ZNF608: variants seen among roughly 807,000 people sequenced by gnomAD.
The protein encoded by ZNF608 is renal carcinoma antigen NY-REN-36.
In ZNF608, 12 loss-of-function variants were observed where a neutral mutation model predicts 109.0. That is an observed-to-expected ratio of 0.11 (90% CI 0.07 to 0.18). The LOEUF (loss-of-function observed/expected upper bound fraction) is 0.18. Among genes scored for constraint, ZNF608 ranks in the 10% least tolerant of loss-of-function variants. ZNF608 has a pLI of 1.00. For synonymous variants in ZNF608, 732 were observed against 717.4 expected, an observed-to-expected ratio of 1.02 and a Z score of -0.33; for missense variants, 1,707 against 1,879.3, an observed-to-expected ratio of 0.91 and a Z score of 1.70.
chr5:124,640,312 G>A (rs953544873), intron 8 of ZNF608, among the ~76,000 whole-genome samples: 1 of 152,188 alleles, frequency 6.6e-6, no homozygotes, highest in African/African-American at 2.4e-5. Context: ...TTATAAGGAG[G>A]TAATTAAGGT....
At chr5:124,696,998 G>A (rs1403668399) in intron 3 of ZNF608, among the ~76,000 whole-genome samples, 2 of 151,908 alleles carry the variant, frequency 1.3e-5, no homozygotes, top group Admixed American at 1.3e-4. Flanking sequence ...TGGTGCCTGG[G>A]CATTAGTGGG....
chr5:124,637,933 C>A (rs748930681), intron 9 of ZNF608, 27 bp from the exon 10 acceptor site: 1 of 1,611,084 alleles, frequency 6.2e-7, no homozygotes, highest in Non-Finnish European at 8.5e-7. Context: ...AACCTTAGCA[C>A]ACGGTTCTAT....
At chr5:124,652,398 T>G (rs1276282993) in intron 3 of ZNF608, among the ~76,000 whole-genome samples, 1 of 152,206 alleles carries the variant, frequency 6.6e-6, no homozygotes, top group African/African-American at 2.4e-5. Flanking sequence ...ACAAATGCTT[T>G]ACACCCAAGG....
intron 3 of ZNF608, among the ~76,000 whole-genome samples, chr5:124,650,426 A>T (rs528381944): frequency 2.0e-5 from 3 of 152,220 alleles, no homozygotes; most frequent in Non-Finnish European, 4.4e-5. Flanking sequence ...CTTTGGAGTC[A>T]ACTTTGGTAC....
At chr5:124,720,465 C>T (rs1334902584) in intron 2 of ZNF608, among the ~76,000 whole-genome samples, 1 of 152,122 alleles carries the variant, frequency 6.6e-6, no homozygotes, top group Non-Finnish European at 1.5e-5. Flanking sequence ...AAAACCACAA[C>T]CATGCTATAG....
At chr5:124,656,799 A>ACACAC (rs1751029094) in intron 3 of ZNF608, among the ~76,000 whole-genome samples, 1 of 123,920 alleles carries the variant, frequency 8.1e-6, no homozygotes, top group Non-Finnish European at 1.7e-5. Context: ...ATAAGCCCTA[A>ACACAC]ACACACACAC....
intron 3 of ZNF608, among the ~76,000 whole-genome samples, chr5:124,657,601 G>A (rs1751070930): frequency 6.6e-6 from 1 of 152,134 alleles, no homozygotes; most frequent in African/African-American, 2.4e-5. Flanking sequence ...CGTGAACCCG[G>A]GAGGCAGAGC....
chr5:124,741,626 G>T (rs1024278265), intron 2 of ZNF608, among the ~76,000 whole-genome samples: 4 of 152,066 alleles, frequency 2.6e-5, no homozygotes, highest in Non-Finnish European at 4.4e-5. Flanking sequence ...GAAGCTTCTG[G>T]TCCTACTAAA....
At chr5:124,685,840 A>T (rs912895519) in intron 3 of ZNF608, among the ~76,000 whole-genome samples, 10 of 152,152 alleles carry the variant, frequency 6.6e-5, no homozygotes, top group Admixed American at 5.2e-4. Context: ...CTCTGCCTTG[A>T]TTTCTATGCA....
Position 124,745,028 on chromosome 5 carries a change from T to C in ZNF608, c.-39A>G. ...TCTCTAGAATAAAAATCCGATGAAC[T>C]TTTCTTTGGAGATGAGGGGACATTC... On this transcript the variant is annotated 5_prime_UTR_variant, in exon 2 of 10. Transcript: ENST00000513986. The C allele has an allele frequency of 6.5e-7, 1 of 1,549,746 alleles. No homozygotes were observed. Among genetic ancestry groups the C allele is most frequent in the African/African-American group, 1.4e-5 (1 of 72,874 alleles).
intron 2 of ZNF608, among the ~76,000 whole-genome samples, chr5:124,719,910 T>C (rs956641320): frequency 6.6e-6 from 1 of 152,202 alleles, no homozygotes; most frequent in Admixed American, 6.5e-5. Context: ...AAACATTTGC[T>C]AGACTAAAAG....
chr5:124,716,810 T>C, intron 2 of ZNF608, among the ~76,000 whole-genome samples: 1 of 152,146 alleles, frequency 6.6e-6, no homozygotes, highest in Non-Finnish European at 1.5e-5. Context: ...TGGCCGGGCA[T>C]GGTGGCTCAC....
rs574503239 is a variant in ZNF608 at position 124,746,096 on chromosome 5, T to C, written c.-184+99A>G. The C allele has an allele frequency of 6.7e-5, 66 of 983,522 alleles. No individual in the cohort carries two copies. In the South Asian group the frequency reaches 2.8e-3, roughly 42 times the overall value. The allele number at this position is 983,522 out of a possible 1,614,324, so 60.9% of individuals were successfully genotyped here. A position where few individuals can be genotyped will look rare whatever the true frequency, so the allele number is the denominator to read the frequency against. ...GTTTGACAAAGAGCAGTTAAAACGGTTTTTAAAGGGATCAGCCCCTTTTTA... is the reference window on the plus strand; with the variant it reads ...GTTTGACAAAGAGCAGTTAAAACGGCTTTTAAAGGGATCAGCCCCTTTTTA... On this transcript the variant is annotated intron_variant, in intron 1 of 9. Transcript: ENST00000513986.
chr5:124,664,880 A>G (rs1466000302), intron 3 of ZNF608, among the ~76,000 whole-genome samples: 1 of 152,148 alleles, frequency 6.6e-6, no homozygotes, highest in Non-Finnish European at 1.5e-5. Context: ...ATCTCTTCTC[A>G]ATACCATGTT....
At chr5:124,720,403 C>G (rs1753856933) in intron 2 of ZNF608, among the ~76,000 whole-genome samples, 1 of 152,082 alleles carries the variant, frequency 6.6e-6, no homozygotes, top group Admixed American at 6.6e-5. Context: ...TACCACTTTT[C>G]TGGCAAAAAT....
At chr5:124,725,458 A>T (rs116781684) in intron 2 of ZNF608, among the ~76,000 whole-genome samples, 2 of 152,066 alleles carry the variant, frequency 1.3e-5, no homozygotes, top group Non-Finnish European at 2.9e-5. Flanking sequence ...AAAGTAAGGA[A>T]TGAATAAAGG....
intron 3 of ZNF608, among the ~76,000 whole-genome samples, chr5:124,656,395 G>C (rs1448883097): frequency 6.6e-6 from 1 of 152,164 alleles, no homozygotes; most frequent in African/African-American, 2.4e-5. Context: ...GCTGGAATAT[G>C]TTGGCATCAC....
chr5:124,639,078 C>G (rs1043763479), intron 9 of ZNF608, 55 bp downstream of exon 9: 1 of 1,549,532 alleles, frequency 6.5e-7, no homozygotes, highest in Non-Finnish European at 8.9e-7. Flanking sequence ...TTGCTTCCTC[C>G]CAACCATTAA....
rs538184731 is a variant in ZNF608, at chr5:124,730,421, C to T, written c.906+13663G>A. 8.5e-5 allele frequency among the ~76,000 whole-genome samples: 13 copies of T among 152,316 alleles called. No homozygotes were observed. In the South Asian group the frequency reaches 2.1e-3, roughly 24 times the overall value. ...CACCAGTATATAGCTATAGATATTA[C>T]AAAATTTCTATCAGTCTAAAACTAG... On this transcript the variant is annotated intron_variant, in intron 2 of 9. Transcript: ENST00000513986.
Sources: gnomAD v4.1 joint callset for allele counts (sites outside exome capture counted in the v4.1 genomes callset) on GRCh38, gnomAD v4.1.1 for gene constraint, MANE v1.5 for transcripts, NCBI Gene and HGNC (gene_info 2026-07-23, HGNC 2026-07-21) for gene names.